Variants in PPFIBP2 observed in about 807,000 individuals in gnomAD.
The protein encoded by PPFIBP2 is liprin-beta-2.
In PPFIBP2, 118 loss-of-function variants were observed where a neutral mutation model predicts 118.3. That is an observed-to-expected ratio of 1.00 (90% CI 0.86 to 1.16). The LOEUF is 1.16. Ranked by LOEUF, PPFIBP2 falls within the 50% of genes most tolerant of loss-of-function variation. PPFIBP2 has a pLI of 0.00. For synonymous variants in PPFIBP2, 414 were observed against 397.4 expected, an observed-to-expected ratio of 1.04 and a Z score of -0.50; for missense variants, 1,195 against 1,073.1, an observed-to-expected ratio of 1.11 and a Z score of -1.59.
At chr11:7,651,605 C>G (rs747331369) in intron 22 of PPFIBP2, 51 bp from the exon 23 acceptor site, 5 of 1,524,398 alleles carry the variant, frequency 3.3e-6, no homozygotes, top group Non-Finnish European at 4.5e-6. Flanking sequence ...TCCTCCCCCT[C>G]GAGCCATTTG....
chr11:7,579,496 A>G (rs1272084797), intron 3 of PPFIBP2, among the ~76,000 whole-genome samples: 1 of 152,186 alleles, frequency 6.6e-6, no homozygotes, highest in Non-Finnish European at 1.5e-5. Flanking sequence ...TAAGAAATGC[A>G]CTGACCATCA....
chr11:7,647,678 C>G (rs11041495), intron 17 of PPFIBP2, among the ~76,000 whole-genome samples: 1 of 152,040 alleles, frequency 6.6e-6, no homozygotes, highest in Non-Finnish European at 1.5e-5. Flanking sequence ...ATGTGTATTT[C>G]GTAAGTGGCC....
downstream of PPFIBP2, among the ~76,000 whole-genome samples, chr11:7,655,699 G>A (rs145773407): frequency 3.4e-3 from 518 of 152,124 alleles, 5 homozygotes; most frequent in African/African-American, 0.012. Context: ...ACTGGACCTT[G>A]AGCCCCTAAG....
rs779318267 is a variant in PPFIBP2 at position 7,565,654 on chromosome 11, G to A, written c.166G>A (p.Asp56Asn). Residue 56 changes from aspartate to asparagine, a missense_variant, in exon 3 of 24, where the codon GAC becomes AAC. Physicochemically the swap from Asp to Asn is conservative, Grantham distance 23. Coordinates refer to ENST00000299492, the MANE Select transcript of PPFIBP2 (RefSeq NM_003621.5). The part of the protein sequence containing the change: ...NPFPVLHLIE[D>N]LRLALEMLEL... ...CTTCCCGGTGCTCCATCTCATCGAG[G>A]ACTTGAGGCTGGCCTTGGAGATGCT... 1.9e-6 allele frequency: 3 copies of A among 1,614,194 alleles called. No homozygotes were observed. The highest frequency in any genetic ancestry group is 2.2e-5 in the East Asian group (1 of 44,882).
chr11:7,641,817 TCCAGTTG>T, intron 16 of PPFIBP2, 197 bp downstream of exon 16: 2 of 620,372 alleles, frequency 3.2e-6, no homozygotes, highest in South Asian at 4.2e-5. Context: ...ATTGAATATA[TCCAGTTG>T]CCTTTCATGT....
intron 5 of PPFIBP2, 97 bp downstream of exon 5, chr11:7,597,770 C>A (rs1279899042): frequency 5.9e-6 from 6 of 1,013,908 alleles, no homozygotes; most frequent in Non-Finnish European, 9.0e-6. Context: ...TGTCTGCTTT[C>A]CCATCCTGCC....
Position 7,549,444 on chromosome 11 carries a change from A to G in PPFIBP2, c.-32A>G, listed in dbSNP as rs776797769. 27 of 1,553,264 alleles carry G rather than the reference A, an allele frequency of 1.7e-5. No homozygotes were observed. Among genetic ancestry groups the G allele is most frequent in the Non-Finnish European group, 2.3e-5 (26 of 1,147,896 alleles). ...GTTCTGTATTTGAATTTTCAGTAAG[A>G]AGAGGAGGAGGCCAGGCAGGCAAAA... is the stretch of plus-strand genomic sequence containing the variant. On this transcript the variant is annotated 5_prime_UTR_variant, in exon 2 of 24. Transcript: ENST00000299492.
chr11:7,531,932 T>A (rs1850726878), intron 1 of PPFIBP2, among the ~76,000 whole-genome samples: 1 of 152,058 alleles, frequency 6.6e-6, no homozygotes, highest in Admixed American at 6.6e-5. Context: ...ACCTCCTGGG[T>A]TCAAGTGAAT....
intron 1 of PPFIBP2, among the ~76,000 whole-genome samples, chr11:7,528,504 C>G (rs933166627): frequency 6.6e-6 from 1 of 152,154 alleles, no homozygotes; most frequent in Non-Finnish European, 1.5e-5. Flanking sequence ...TCATTAGTAA[C>G]AAGTTACCTA....
At chr11:7,574,971 C>T (rs1386940279) in intron 3 of PPFIBP2, among the ~76,000 whole-genome samples, 2 of 152,122 alleles carry the variant, frequency 1.3e-5, no homozygotes, top group African/African-American at 4.8e-5. Flanking sequence ...TTCTTCCCTC[C>T]CTTCCTCCCT....
chr11:7,664,071 C>T, the PPFIBP2 span, among the ~76,000 whole-genome samples: 47 of 152,312 alleles, frequency 3.1e-4, 1 homozygote, highest in South Asian at 7.7e-3. Context: ...GAGATGAACC[C>T]GGTACCTCAG....
intron 4 of PPFIBP2, among the ~76,000 whole-genome samples, chr11:7,596,688 AG>A (rs1313639371): frequency 2.0e-5 from 3 of 152,196 alleles, no homozygotes; most frequent in Non-Finnish European, 4.4e-5. Context: ...CTAACCAAAA[AG>A]GTCTAAAGGA....
intron 2 of PPFIBP2, 29 bp downstream of exon 2, chr11:7,549,568 G>T: frequency 6.6e-7 from 1 of 1,511,722 alleles, no homozygotes; most frequent in Admixed American, 2.4e-5. Context: ...AGCAACCAAG[G>T]TCTCATCCTC....
chr11:7,519,424 G>A (rs758344121), intron 1 of PPFIBP2, among the ~76,000 whole-genome samples: 34 of 152,188 alleles, frequency 2.2e-4, no homozygotes, highest in Non-Finnish European at 3.8e-4. Flanking sequence ...TTCTTCGGTC[G>A]TTGGCAATAC....
rs1039240843 is a variant in PPFIBP2 at position 7,549,539 on chromosome 11, G to A, written c.64G>A (p.Gly22Ser). 11 of 1,557,834 alleles carry A rather than the reference G, an allele frequency of 7.1e-6. No individual in the cohort carries two copies. Among genetic ancestry groups the A allele is most frequent in the Non-Finnish European group, 9.6e-6 (11 of 1,151,128 alleles). Residue 22 changes from glycine to serine, a missense_variant and splice_region_variant, in exon 2 of 24, where the codon GGC (glycine) becomes AGC (serine). By Grantham distance (56) the Gly-to-Ser change is moderately conservative. Transcript: ENST00000299492. Reference protein sequence around the residue: ...ALEQMDGIIAGTKTGADLSDG... With the variant: ...ALEQMDGIIASTKTGADLSDG... ...GGAGCAAATGGACGGGATCATTGCA[G>A]GTACGCCCAGGGAACCCCAGCAACC...
chr11:7,577,664 G>A (rs1449480545), intron 3 of PPFIBP2: 1 of 455,808 alleles, frequency 2.2e-6, no homozygotes, highest in Admixed American at 2.4e-5. Context: ...CTTTGTCTGG[G>A]TCTCCGTGGA....
At chr11:7,663,460 A>G in the PPFIBP2 span, among the ~76,000 whole-genome samples, 304 of 151,756 alleles carry the variant, frequency 2.0e-3, 1 homozygote, top group East Asian at 0.022. Context: ...TAGGCTGCTC[A>G]GGGGTCAGTG....
At chr11:7,630,542 C>CCT (rs1355740930) in intron 10 of PPFIBP2, among the ~76,000 whole-genome samples, 1 of 152,190 alleles carries the variant, frequency 6.6e-6, no homozygotes, top group African/African-American at 2.4e-5. Flanking sequence ...GAACTCCTGA[C>CCT]CTTAAGTGAT....
intron 2 of PPFIBP2, among the ~76,000 whole-genome samples, chr11:7,558,758 A>G (rs930198724): frequency 6.6e-6 from 1 of 152,096 alleles, no homozygotes; most frequent in African/African-American, 2.4e-5. Context: ...TGTCTCAAAA[A>G]AAAAAAAAGA....
Sources: allele counts gnomAD v4.1 joint callset (sites outside exome capture counted in the v4.1 genomes callset), GRCh38; gene constraint gnomAD v4.1.1; transcripts MANE v1.5; gene names NCBI Gene and HGNC (gene_info 2026-07-23, HGNC 2026-07-21).